The following IL1RAPL2 variants were observed in gnomAD, a reference collection of about 807,000 sequenced individuals.
The protein encoded by IL1RAPL2 is X-linked interleukin-1 receptor accessory protein-like 2.
In IL1RAPL2, 3 loss-of-function variants were observed where a neutral mutation model predicts 44.1. That is an observed-to-expected ratio of 0.07 (90% CI 0.03 to 0.18). The LOEUF (loss-of-function observed/expected upper bound fraction) is 0.18. IL1RAPL2 is among the 10% of genes least tolerant of loss of function. The probability of loss-of-function intolerance (pLI) is 1.00; values close to 1 mark genes in which losing one functional copy is unlikely to be tolerated. For synonymous variants in IL1RAPL2, 181 were observed against 178.8 expected (o/e 1.01, Z -0.10); for missense variants, 391 against 496.4 (o/e 0.79, Z 2.02).
chrX:104,910,973 A>T (rs1420754049), intron 2 of IL1RAPL2, among the ~76,000 whole-genome samples: 1 of 112,288 alleles, frequency 8.9e-6, no homozygotes, highest in Non-Finnish European at 1.9e-5. Context: ...TATAACAGAG[A>T]TTTGAATAAA....
chrX:104,773,840 A>T (rs1436289687), intron 2 of IL1RAPL2, among the ~76,000 whole-genome samples: 2 of 111,980 alleles, frequency 1.8e-5, no homozygotes, highest in African/African-American at 3.2e-5. Context: ...ATGTGATCCA[A>T]TAACTTATCG....
At chrX:105,513,035 T>C (rs2036482633) in intron 6 of IL1RAPL2, among the ~76,000 whole-genome samples, 1 of 110,981 alleles carries the variant, frequency 9.0e-6, no homozygotes, top group African/African-American at 3.3e-5. Flanking sequence ...TTTCTGTTCT[T>C]GTGATAGTTT....
intron 2 of IL1RAPL2, among the ~76,000 whole-genome samples, chrX:104,755,549 T>G (rs1362803456): frequency 9.0e-6 from 1 of 110,671 alleles, no homozygotes; most frequent in Admixed American, 9.6e-5. Context: ...TTGAGAAATG[T>G]GAACCTAGAT....
At chrX:104,815,892 A>G (rs1446884222) in intron 2 of IL1RAPL2, among the ~76,000 whole-genome samples, 1 of 102,522 alleles carries the variant, frequency 9.8e-6, no homozygotes, top group African/African-American at 3.6e-5. Flanking sequence ...CTGACATCAT[A>G]CGTGTTTTTG....
At position 104,715,690 on chromosome X, in the gene IL1RAPL2, A is replaced by AT. The variant is rs1044534482; in HGVS notation, c.82+56695_82+56696insT. On this transcript the variant is annotated intron_variant, in intron 2 of 10. Transcript: ENST00000372582. ...TCTATTCACAATTGCTAAAAAAAAAAAATAATAAAATAAAATGCCCAGGAA... is the reference window on the plus strand; with the variant it reads ...TCTATTCACAATTGCTAAAAAAAAAATAATAATAAAATAAAATGCCCAGGAA... 7.2e-4 allele frequency among the ~76,000 whole-genome samples: 79 copies of AT among 109,382 alleles called. No homozygotes were observed. In the South Asian group the frequency reaches 0.018, roughly 24 times the overall value. The allele number at this position is 109,382 out of a possible 115,157, so 95.0% of individuals were successfully genotyped here.
intron 5 of IL1RAPL2, among the ~76,000 whole-genome samples, chrX:105,482,041 G>A (rs777041398): frequency 1.8e-4 from 20 of 112,015 alleles, no homozygotes; most frequent in South Asian, 1.1e-3. Flanking sequence ...AGCATGCTGC[G>A]CATACTATTT....
chrX:104,606,600 T>A (rs1389213398), intron 1 of IL1RAPL2, among the ~76,000 whole-genome samples: 4 of 111,946 alleles, frequency 3.6e-5, no homozygotes, highest in Non-Finnish European at 7.5e-5. Flanking sequence ...CTCCTTAAGC[T>A]GATAAGCAAC....
intron 6 of IL1RAPL2, among the ~76,000 whole-genome samples, chrX:105,597,571 C>T (rs1396278031): frequency 9.0e-6 from 1 of 110,951 alleles, no homozygotes; most frequent in Non-Finnish European, 1.9e-5. Flanking sequence ...GGAGGTGCTA[C>T]ACACTTTTAA....
intron 1 of IL1RAPL2, among the ~76,000 whole-genome samples, chrX:104,588,936 T>C (rs748552399): frequency 1.8e-5 from 2 of 112,002 alleles, no homozygotes; most frequent in South Asian, 7.5e-4. Flanking sequence ...TAGAAAAGAT[T>C]GGTTGTTTAG....
At chrX:105,704,659 G>C (rs991724820) in intron 6 of IL1RAPL2, among the ~76,000 whole-genome samples, 5 of 110,941 alleles carry the variant, frequency 4.5e-5, no homozygotes, top group Non-Finnish European at 5.7e-5. Context: ...ACATGTGCTG[G>C]ATGTGCAGGT....
At chrX:105,182,227 G>A (rs2033539070) in intron 2 of IL1RAPL2, among the ~76,000 whole-genome samples, 1 of 110,933 alleles carries the variant, frequency 9.0e-6, no homozygotes, top group African/African-American at 3.3e-5. Flanking sequence ...TGCTGAGATT[G>A]GGGTGTTGAA....
intron 2 of IL1RAPL2, among the ~76,000 whole-genome samples, chrX:105,176,254 A>C (rs2049020534): frequency 9.0e-6 from 1 of 111,309 alleles, no homozygotes; most frequent in African/African-American, 3.3e-5. Flanking sequence ...GTAACATGGA[A>C]TATCCTGTAA....
intron 2 of IL1RAPL2, among the ~76,000 whole-genome samples, chrX:104,939,506 T>C (rs144533939): frequency 0.017 from 1,877 of 112,090 alleles, 34 homozygotes; most frequent in African/African-American, 0.056. Flanking sequence ...TGCCCAACTT[T>C]TTATTTTCTT....
At chrX:104,636,937 C>G (rs1410539511) in intron 1 of IL1RAPL2, among the ~76,000 whole-genome samples, 2 of 111,662 alleles carry the variant, frequency 1.8e-5, no homozygotes, top group Admixed American at 1.9e-4. Flanking sequence ...GCGTCGCTCA[C>G]TCTGGGAGCT....
chrX:104,944,157 A>T, intron 2 of IL1RAPL2, among the ~76,000 whole-genome samples: 1 of 111,365 alleles, frequency 9.0e-6, no homozygotes, highest in Non-Finnish European at 1.9e-5. Context: ...ATCCACAAAC[A>T]TTTCCAACTC....
intron 6 of IL1RAPL2, among the ~76,000 whole-genome samples, chrX:105,517,791 T>C (rs373125574): frequency 3.6e-5 from 4 of 111,628 alleles, no homozygotes; most frequent in African/African-American, 6.5e-5. Context: ...AGATAACAAC[T>C]GAAACCTTAC....
chrX:105,290,594 G>T (rs2034605211), intron 5 of IL1RAPL2, among the ~76,000 whole-genome samples: 1 of 111,806 alleles, frequency 8.9e-6, no homozygotes, highest in African/African-American at 3.2e-5. Flanking sequence ...AATAATTCAG[G>T]GTCTTCTGTA....
chrX:104,880,326 C>G (rs952678011), intron 2 of IL1RAPL2, among the ~76,000 whole-genome samples: 1 of 111,300 alleles, frequency 9.0e-6, no homozygotes, highest in Non-Finnish European at 1.9e-5. Context: ...TTCCTAACCC[C>G]CAAGATGTTA....
chrX:105,548,057 C>T, intron 6 of IL1RAPL2, among the ~76,000 whole-genome samples: 1 of 111,571 alleles, frequency 9.0e-6, no homozygotes, highest in Non-Finnish European at 1.9e-5. Context: ...AACTTGCATT[C>T]ATTGGTGACA....
Sources: gnomAD v4.1 joint callset for allele counts (sites outside exome capture counted in the v4.1 genomes callset) on GRCh38, gnomAD v4.1.1 for gene constraint, MANE v1.5 for transcripts, NCBI Gene and HGNC (gene_info 2026-07-23, HGNC 2026-07-21) for gene names.